Variants in CDK6 observed in about 807,000 individuals in gnomAD.
CDK6 encodes the protein cyclin-dependent kinase 6.
CDK6 carries 6 observed loss-of-function variants against 37.1 expected under a neutral mutation model. That is an observed-to-expected ratio of 0.16 (90% confidence interval 0.09 to 0.32). The LOEUF (loss-of-function observed/expected upper bound fraction) is 0.32. CDK6 is among the 10% of genes least tolerant of loss of function. CDK6 has a pLI of 1.00. For missense variants in CDK6, 224 were observed against 418.9 expected (o/e 0.53, Z 4.06); for synonymous variants, 160 against 161.3 (o/e 0.99, Z 0.06).
At chr7:92,629,629 A>C (rs189356741) in intron 5 of CDK6, among the ~76,000 whole-genome samples, 1 of 152,292 alleles carries the variant, frequency 6.6e-6, no homozygotes, top group Non-Finnish European at 1.5e-5. Context: ...CTATGACAAA[A>C]ATTGAATGGG....
Position 92,612,727 on chromosome 7 carries a change from C to A in CDK6, c.*2413G>T. On this transcript the variant is annotated 3_prime_UTR_variant, in exon 8 of 8. Transcript: ENST00000424848. ...TTGAGCTCTCTACTCATTTAAAATT[C>A]TAAAGAATGCTGAAAAATTCCAGTT... 1 of 233,076 alleles carries A rather than the reference C, an allele frequency of 4.3e-6. No individual in the cohort carries two copies. The highest frequency in any genetic ancestry group is 6.1e-5 in the East Asian group (1 of 16,520). 14.4% of individuals were successfully genotyped at this position (233,076 alleles called of 1,614,324 possible).
At chr7:92,630,619 C>G (rs775335099) in intron 5 of CDK6, among the ~76,000 whole-genome samples, 4 of 152,066 alleles carry the variant, frequency 2.6e-5, no homozygotes, top group Non-Finnish European at 4.4e-5. Context: ...GGATATGGTA[C>G]CCCCATGGAA....
chr7:92,704,094 A>G (rs10254840), intron 4 of CDK6, among the ~76,000 whole-genome samples: 33,036 of 151,882 alleles, frequency 0.22, 5,050 homozygotes, highest in East Asian at 0.47. Flanking sequence ...CCTATCTCCT[A>G]CGCAAAAGAC....
intron 2 of CDK6, among the ~76,000 whole-genome samples, chr7:92,780,825 C>A (rs547288965): frequency 5.8e-4 from 87 of 149,002 alleles, no homozygotes; most frequent in Admixed American, 3.3e-3. Flanking sequence ...ACCAAAAAAA[C>A]CCCAAAAAAC....
chr7:92,702,482 C>G (rs1276625397), intron 4 of CDK6, among the ~76,000 whole-genome samples: 1 of 151,920 alleles, frequency 6.6e-6, no homozygotes, highest in Non-Finnish European at 1.5e-5. Flanking sequence ...ATCCACCTGC[C>G]TCGGCCCCCT....
intron 2 of CDK6, among the ~76,000 whole-genome samples, chr7:92,826,041 C>T (rs2116001363): frequency 6.6e-6 from 1 of 152,240 alleles, no homozygotes; most frequent in Admixed American, 6.5e-5. Context: ...TCCGTTCTCC[C>T]TCCTTGACAC....
intron 4 of CDK6, among the ~76,000 whole-genome samples, chr7:92,723,910 CA>C (rs576591781): frequency 0.015 from 1,274 of 83,710 alleles, 8 homozygotes; most frequent in East Asian, 0.054. Flanking sequence ...ATTTAATAAG[CA>C]AAAAAAAAAA....
chr7:92,746,792 G>GA, intron 3 of CDK6, among the ~76,000 whole-genome samples: 1 of 152,146 alleles, frequency 6.6e-6, no homozygotes, highest in South Asian at 2.1e-4. Context: ...TATGATGGGG[G>GA]AAATATTTAC....
At chr7:92,621,555 T>C (rs1795805681) in intron 6 of CDK6, among the ~76,000 whole-genome samples, 1 of 152,222 alleles carries the variant, frequency 6.6e-6, no homozygotes, top group Admixed American at 6.5e-5. Context: ...AAGCTGACTT[T>C]AGTCAAGATT....
chr7:92,674,719 T>C (rs951002945), intron 4 of CDK6, among the ~76,000 whole-genome samples: 3 of 152,364 alleles, frequency 2.0e-5, no homozygotes, highest in South Asian at 4.1e-4. Flanking sequence ...ACAGATATCA[T>C]GAAGGCACAC....
chr7:92,787,612 T>C (rs1800178162), intron 2 of CDK6, among the ~76,000 whole-genome samples: 1 of 152,162 alleles, frequency 6.6e-6, no homozygotes. Context: ...ATAATATGTA[T>C]GCATTACTGC....
At chr7:92,787,119 T>A (rs185994895) in intron 2 of CDK6, among the ~76,000 whole-genome samples, 182 of 149,254 alleles carry the variant, frequency 1.2e-3, no homozygotes, top group African/African-American at 4.3e-3. Flanking sequence ...GAGGCGGAGG[T>A]TGCCGTGAGC....
intron 5 of CDK6, among the ~76,000 whole-genome samples, chr7:92,646,053 C>G (rs1322408133): frequency 6.6e-6 from 1 of 152,212 alleles, no homozygotes; most frequent in Non-Finnish European, 1.5e-5. Context: ...GAATGCACTG[C>G]TATTTTTGTG....
In CDK6 at chr7:92,671,273, G is replaced by A. The variant is rs2301556; in HGVS notation, c.647+153C>T. The stretch of plus-strand genomic sequence containing the variant: ...ACAACACTGTAAGCACTGAGAAGGC[G>A]GTTTCAGGACAGGCTTGCAAGTGGT... On this transcript the variant is annotated intron_variant, in intron 5 of 7. Coordinates refer to ENST00000424848, the MANE Select transcript of CDK6 (RefSeq NM_001145306.2). 0.13 allele frequency: 60,475 copies of A among 455,712 alleles called. 6,063 individuals carry two copies. The highest frequency in any genetic ancestry group is 0.38 in the African/African-American group (18,567 of 49,484). 28.2% of individuals were successfully genotyped at this position (455,712 alleles called of 1,614,324 possible). A position where few individuals can be genotyped will look rare whatever the true frequency, so the allele number is the denominator to read the frequency against.
intron 2 of CDK6, among the ~76,000 whole-genome samples, chr7:92,805,532 T>A (rs967372992): frequency 3.3e-5 from 5 of 152,070 alleles, no homozygotes; most frequent in Non-Finnish European, 5.9e-5. Flanking sequence ...ACTCCCTCAG[T>A]GTAATCATGA....
In CDK6 at chr7:92,639,279, C is replaced by A. The variant is rs575211822; in HGVS notation, c.648-16193G>T. On this transcript the variant is annotated intron_variant, in intron 5 of 7. Coordinates refer to ENST00000424848, the MANE Select transcript of CDK6 (RefSeq NM_001145306.2). ...TTTCTTGATAACCAATGAACAATAG[C>A]GACATTATTAAACGTTTGTTCTGCA... Among the ~76,000 whole-genome samples the A allele has an allele frequency of 3.3e-5, 5 of 152,216 alleles. No individual in the cohort carries two copies. In the East Asian group the frequency reaches 9.6e-4, roughly 29 times the overall value.
chr7:92,775,875 G>C (rs895359488), intron 2 of CDK6, among the ~76,000 whole-genome samples: 33 of 151,970 alleles, frequency 2.2e-4, no homozygotes, highest in African/African-American at 8.0e-4. Flanking sequence ...TGATGCACAG[G>C]GTTGACTATC....
At chr7:92,645,415 C>T (rs1253269282) in intron 5 of CDK6, among the ~76,000 whole-genome samples, 1 of 152,154 alleles carries the variant, frequency 6.6e-6, no homozygotes, top group Non-Finnish European at 1.5e-5. Flanking sequence ...TAAGTAAATG[C>T]TTGCAAAATA....
chr7:92,824,647 C>A (rs1353692727), intron 2 of CDK6, among the ~76,000 whole-genome samples: 1 of 152,110 alleles, frequency 6.6e-6, no homozygotes, highest in Non-Finnish European at 1.5e-5. Context: ...CATACTTTCA[C>A]AACGTGAGGT....
Sources: gnomAD v4.1 joint callset for allele counts (sites outside exome capture counted in the v4.1 genomes callset) on GRCh38, gnomAD v4.1.1 for gene constraint, MANE v1.5 for transcripts, NCBI Gene and HGNC (gene_info 2026-07-23, HGNC 2026-07-21) for gene names.